DCHS2: variants seen among roughly 807,000 people sequenced by gnomAD.
The protein encoded by DCHS2 is protocadherin-23.
In DCHS2, 142 loss-of-function variants were observed where a neutral mutation model predicts 182.4. That is an observed-to-expected ratio of 0.78 (90% CI 0.68 to 0.89). The LOEUF is 0.89. DCHS2 is among the 40% of genes least tolerant of loss of function. The pLI, the probability that DCHS2 is intolerant of heterozygous loss-of-function variation, is 0.00. For synonymous variants in DCHS2, 1,740 were observed against 1,663.3 expected (o/e 1.05, Z -1.12); for missense variants, 4,319 against 4,198.6 (o/e 1.03, Z -0.79).
intron 16 of DCHS2, among the ~76,000 whole-genome samples, chr4:154,245,040 GT>G (rs1732009414): frequency 6.6e-6 from 1 of 152,048 alleles, no homozygotes; most frequent in South Asian, 2.1e-4. Flanking sequence ...ATAATGCCTT[GT>G]CAGATTAAAA....
At chr4:154,263,406 G>A (rs551301002) in intron 14 of DCHS2, among the ~76,000 whole-genome samples, 8 of 151,848 alleles carry the variant, frequency 5.3e-5, no homozygotes, top group Non-Finnish European at 1.0e-4. Flanking sequence ...ATATGTGTAT[G>A]TATTACAATG....
intron 16 of DCHS2, 31 bp from the exon 17 acceptor site, chr4:154,242,803 T>A: frequency 6.3e-7 from 1 of 1,580,392 alleles, no homozygotes; most frequent in East Asian, 2.3e-5. Flanking sequence ...AAGAATGTGA[T>A]TCATCATCCA....
chr4:154,265,224 T>C (rs371546285), intron 14 of DCHS2, among the ~76,000 whole-genome samples: 1 of 152,332 alleles, frequency 6.6e-6, no homozygotes, highest in East Asian at 1.9e-4. Flanking sequence ...GCATTTTTTT[T>C]CATTTACCGT....
At chr4:154,389,516 T>TTTTATATATATATATATA (rs1554013193) in intron 1 of DCHS2, among the ~76,000 whole-genome samples, 1 of 111,132 alleles carries the variant, frequency 9.0e-6, no homozygotes, top group Non-Finnish European at 2.0e-5. Context: ...AAGACAAAGG[T>TTTTATATATATATATATA]TATATATATA....
intron 13 of DCHS2, among the ~76,000 whole-genome samples, chr4:154,282,538 G>A (rs1439858312): frequency 1.3e-5 from 2 of 151,860 alleles, no homozygotes; most frequent in African/African-American, 2.4e-5. Context: ...TGTTGACAAG[G>A]ATGTCGAGAA....
At chr4:154,486,999 G>GT (rs745308218) in intron 1 of DCHS2, among the ~76,000 whole-genome samples, 8 of 152,092 alleles carry the variant, frequency 5.3e-5, no homozygotes, top group Non-Finnish European at 1.2e-4. Flanking sequence ...ATATGGAGTT[G>GT]TAACAATGGG....
At chr4:154,486,306 C>T (rs1728583845) in intron 1 of DCHS2, 1 of 983,200 alleles carries the variant, frequency 1.0e-6, no homozygotes, top group Non-Finnish European at 1.4e-6. Context: ...GGAGGGTGGC[C>T]AGCACCATAG....
At chr4:154,342,848 T>A (rs1729172496) in intron 3 of DCHS2, among the ~76,000 whole-genome samples, 1 of 152,190 alleles carries the variant, frequency 6.6e-6, no homozygotes, top group African/African-American at 2.4e-5. Context: ...GAATGGTGCA[T>A]CCTTTCCAGA....
intron 13 of DCHS2, among the ~76,000 whole-genome samples, chr4:154,276,396 C>T (rs777344350): frequency 6.6e-6 from 1 of 152,020 alleles, no homozygotes; most frequent in Admixed American, 6.6e-5. Context: ...AATTTAAAAG[C>T]ATACTTAGAT....
intron 1 of DCHS2, among the ~76,000 whole-genome samples, chr4:154,416,658 A>T (rs1030239752): frequency 7.2e-5 from 11 of 152,220 alleles, no homozygotes; most frequent in Admixed American, 4.6e-4. Context: ...CTAAGCAACC[A>T]ACTTGGTACC....
Position 154,371,815 on chromosome 4 carries a change from T to C in DCHS2, c.2245-5374A>G, listed in dbSNP as rs528273220. 6.6e-5 allele frequency among the ~76,000 whole-genome samples: 10 copies of C among 152,192 alleles called. No individual in the cohort carries two copies. In the South Asian group the frequency reaches 2.1e-3, roughly 32 times the overall value. ...CACACTTTTAAATAACCAGATCTCA[T>C]GAGAACTCACTCACTATCAGGAGAA... On this transcript the variant is annotated intron_variant, in intron 2 of 19. Coordinates refer to ENST00000357232, the MANE Select transcript of DCHS2 (RefSeq NM_001358235.2).
At chr4:154,450,702 A>T (rs1734494563) in intron 1 of DCHS2, among the ~76,000 whole-genome samples, 1 of 152,102 alleles carries the variant, frequency 6.6e-6, no homozygotes, top group Non-Finnish European at 1.5e-5. Flanking sequence ...GCATAGTGGC[A>T]CATGCCTGTA....
intron 7 of DCHS2, among the ~76,000 whole-genome samples, chr4:154,327,368 C>T (rs968260565): frequency 5.3e-5 from 8 of 152,096 alleles, no homozygotes. Flanking sequence ...CGTATGTTGA[C>T]ATTATTCTCA....
intron 1 of DCHS2, among the ~76,000 whole-genome samples, chr4:154,437,412 C>T (rs993508986): frequency 6.6e-6 from 1 of 152,112 alleles, no homozygotes; most frequent in African/African-American, 2.4e-5. Context: ...TACTGAAAGC[C>T]TAAAACAAAA....
chr4:154,347,994 A>C (rs970312188), intron 3 of DCHS2, among the ~76,000 whole-genome samples: 1 of 152,024 alleles, frequency 6.6e-6, no homozygotes, highest in African/African-American at 2.4e-5. Context: ...TATAGTTTGC[A>C]TGGGGTTTAC....
At chr4:154,359,981 T>G (rs1038803775) in intron 3 of DCHS2, among the ~76,000 whole-genome samples, 1 of 150,930 alleles carries the variant, frequency 6.6e-6, no homozygotes, top group African/African-American at 2.4e-5. Flanking sequence ...ATCTTTAGTG[T>G]TTTTTTTTAA....
chr4:154,257,667 C>A (rs537988289), intron 15 of DCHS2, among the ~76,000 whole-genome samples: 1 of 152,252 alleles, frequency 6.6e-6, no homozygotes, highest in African/African-American at 2.4e-5. Flanking sequence ...GGGCATTGAG[C>A]AATGTGGGGT....
chr4:154,455,657 T>C (rs1734733025), intron 1 of DCHS2, among the ~76,000 whole-genome samples: 2 of 152,256 alleles, frequency 1.3e-5, no homozygotes, highest in African/African-American at 4.8e-5. Flanking sequence ...AGAACTGTAC[T>C]ACGCAGCTTC....
intron 1 of DCHS2, among the ~76,000 whole-genome samples, chr4:154,436,775 T>A (rs1466283745): frequency 2.0e-5 from 3 of 152,232 alleles, no homozygotes; most frequent in Non-Finnish European, 4.4e-5. Flanking sequence ...GGTTACTAAG[T>A]GCTTGAAATG....
Sources: gnomAD v4.1 joint callset for allele counts (sites outside exome capture counted in the v4.1 genomes callset) on GRCh38, gnomAD v4.1.1 for gene constraint, MANE v1.5 for transcripts, NCBI Gene and HGNC (gene_info 2026-07-23, HGNC 2026-07-21) for gene names.